EIF2B3: variants seen among roughly 807,000 people sequenced by gnomAD.
The protein encoded by EIF2B3 is eukaryotic translation initiation factor 2B subunit gamma.
EIF2B3 carries 20 observed loss-of-function variants against 54.1 expected under a neutral mutation model. That is an observed-to-expected ratio of 0.37 (90% CI 0.26 to 0.54). The LOEUF (loss-of-function observed/expected upper bound fraction) is 0.54. Among genes scored for constraint, EIF2B3 ranks in the 20% least tolerant of loss-of-function variants. The pLI is 0.86. For synonymous variants in EIF2B3, 153 were observed against 188.1 expected, an observed-to-expected ratio of 0.81 and a Z score of 1.52; for missense variants, 448 against 547.8, an observed-to-expected ratio of 0.82 and a Z score of 1.82.
intron 10 of EIF2B3, 112 bp downstream of exon 10, chr1:44,874,566 G>T (rs1384143618): frequency 3.4e-5 from 41 of 1,188,924 alleles, no homozygotes; most frequent in Non-Finnish European, 4.7e-5. Context: ...TTGCCCTCTT[G>T]ATTAGCACTT....
At chr1:44,957,567 C>T (rs1032777344) in intron 3 of EIF2B3, among the ~76,000 whole-genome samples, 1 of 152,072 alleles carries the variant, frequency 6.6e-6, no homozygotes, top group Non-Finnish European at 1.5e-5. Flanking sequence ...TCGAGACCAG[C>T]CTGGCCAACA....
At chr1:44,902,437 T>A (rs1643324587) in intron 5 of EIF2B3, among the ~76,000 whole-genome samples, 1 of 151,976 alleles carries the variant, frequency 6.6e-6, no homozygotes, top group Non-Finnish European at 1.5e-5. Context: ...GAGGCTGCAG[T>A]GAGCTATGAT....
intron 5 of EIF2B3, among the ~76,000 whole-genome samples, chr1:44,916,837 G>C (rs1261048363): frequency 6.6e-6 from 1 of 151,096 alleles, no homozygotes; most frequent in African/African-American, 2.4e-5. Context: ...AAAAGAAAAG[G>C]AAGGGCTCAG....
chr1:44,925,838 C>T (rs544750899), intron 5 of EIF2B3, among the ~76,000 whole-genome samples: 3 of 151,416 alleles, frequency 2.0e-5, no homozygotes, highest in Admixed American at 6.6e-5. Flanking sequence ...GCAGGAGAAT[C>T]GCTTGAACCT....
chr1:44,866,213 A>G (rs1400126177), intron 10 of EIF2B3, among the ~76,000 whole-genome samples: 1 of 152,086 alleles, frequency 6.6e-6, no homozygotes, highest in Non-Finnish European at 1.5e-5. Flanking sequence ...CCTGGCCAGC[A>G]TGGAGAAACC....
intron 3 of EIF2B3, among the ~76,000 whole-genome samples, chr1:44,943,969 A>T (rs773422513): frequency 2.6e-5 from 4 of 151,864 alleles, no homozygotes; most frequent in Non-Finnish European, 5.9e-5. Flanking sequence ...ACACAGTGAA[A>T]CCCTATCTCT....
intron 5 of EIF2B3, among the ~76,000 whole-genome samples, chr1:44,922,786 T>G (rs921637513): frequency 6.6e-6 from 1 of 151,634 alleles, no homozygotes; most frequent in Non-Finnish European, 1.5e-5. Context: ...AGGTAATTTA[T>G]TTTATTTGTA....
intron 6 of EIF2B3, among the ~76,000 whole-genome samples, chr1:44,893,955 G>T (rs1297327060): frequency 1.3e-5 from 2 of 152,134 alleles, no homozygotes; most frequent in African/African-American, 4.8e-5. Flanking sequence ...AGCTCACAAA[G>T]CTGGCATATT....
At chr1:44,973,740 T>C (rs1180816406) in intron 3 of EIF2B3, among the ~76,000 whole-genome samples, 1 of 152,088 alleles carries the variant, frequency 6.6e-6, no homozygotes, top group Non-Finnish European at 1.5e-5. Flanking sequence ...TGATTCCACT[T>C]ACATGAGGTA....
chr1:44,959,456 T>A (rs964063735), intron 3 of EIF2B3: 15 of 398,234 alleles, frequency 3.8e-5, no homozygotes, highest in Non-Finnish European at 6.8e-5. Flanking sequence ...GCTGGGAGGA[T>A]CACTTGAGCC....
chr1:44,887,209 C>T (rs778608308), intron 6 of EIF2B3, among the ~76,000 whole-genome samples: 6 of 152,148 alleles, frequency 3.9e-5, no homozygotes, highest in Non-Finnish European at 5.9e-5. Context: ...AATTAGCTGG[C>T]TTGGATCCAG....
At chr1:44,977,729 G>T (rs1644467451) in intron 3 of EIF2B3, among the ~76,000 whole-genome samples, 1 of 151,886 alleles carries the variant, frequency 6.6e-6, no homozygotes, top group Non-Finnish European at 1.5e-5. Flanking sequence ...CCTCCCAAAG[G>T]GATTACAGGC....
intron 8 of EIF2B3, among the ~76,000 whole-genome samples, chr1:44,876,668 C>A (rs1446500219): frequency 1.7e-5 from 2 of 116,484 alleles, no homozygotes; most frequent in Non-Finnish European, 3.4e-5. Context: ...AGCCCCTCTG[C>A]CCGGCCACGA....
chr1:44,908,236 T>C (rs1643451561), intron 5 of EIF2B3, among the ~76,000 whole-genome samples: 1 of 152,174 alleles, frequency 6.6e-6, no homozygotes, highest in African/African-American at 2.4e-5. Context: ...TATTAGACCT[T>C]AGGCCTACAA....
chr1:44,862,127 G>A (rs1168653192), intron 10 of EIF2B3, among the ~76,000 whole-genome samples: 1 of 152,204 alleles, frequency 6.6e-6, no homozygotes, highest in African/African-American at 2.4e-5. Context: ...GAGAGAAGAG[G>A]TGAGTTCCTA....
At chr1:44,982,071 C>G (rs1644520416) in intron 1 of EIF2B3, among the ~76,000 whole-genome samples, 1 of 151,982 alleles carries the variant, frequency 6.6e-6, no homozygotes, top group South Asian at 2.1e-4. Context: ...TCCAATAATT[C>G]AGCCATCGGC....
intron 4 of EIF2B3, among the ~76,000 whole-genome samples, chr1:44,927,677 T>A (rs758220311): frequency 6.6e-6 from 1 of 152,262 alleles, no homozygotes; most frequent in Non-Finnish European, 1.5e-5. Context: ...GGTCTGTATG[T>A]TAAAGTATGG....
intron 4 of EIF2B3, among the ~76,000 whole-genome samples, chr1:44,933,771 A>C (rs1238056353): frequency 6.6e-6 from 1 of 152,186 alleles, no homozygotes; most frequent in Non-Finnish European, 1.5e-5. Context: ...TTAGGCCATA[A>C]ATGCTATTAG....
At chr1:44,904,618 A>G (rs538732796) in intron 5 of EIF2B3, among the ~76,000 whole-genome samples, 2 of 152,054 alleles carry the variant, frequency 1.3e-5, no homozygotes, top group African/African-American at 4.8e-5. Context: ...GGTTCATGCC[A>G]TTCTCCTGCC....
Sources: allele counts gnomAD v4.1 joint callset (sites outside exome capture counted in the v4.1 genomes callset), GRCh38; gene constraint gnomAD v4.1.1; transcripts MANE v1.5; gene names NCBI Gene and HGNC (gene_info 2026-07-23, HGNC 2026-07-21).